Variants in NEK11 observed in about 807,000 individuals in gnomAD.
NEK11 encodes the protein NIMA related kinase 11, also known as serine/threonine-protein kinase Nek11.
Under a neutral mutation model 80.7 loss-of-function variants are expected in NEK11, and 72 were observed. The ratio of observed to expected loss-of-function variants is 0.89; its 90% CI spans 0.74 to 1.08. The LOEUF (loss-of-function observed/expected upper bound fraction) is 1.08. Ranked by LOEUF, NEK11 falls within the 50% of genes least tolerant of loss-of-function variation. The probability of loss-of-function intolerance (pLI) is 0.00; values close to 1 mark genes in which losing one functional copy is unlikely to be tolerated. For synonymous variants in NEK11, 251 were observed against 260.7 expected (o/e 0.96, Z 0.36); for missense variants, 764 against 763.6 (o/e 1.00, Z -0.01).
In NEK11 at chr3:131,243,500, A is replaced by T; in HGVS notation, c.1621+4A>T. The stretch of plus-strand genomic sequence containing the variant: ...GTCCTGGGTTGCACTTCTCTAGGTG[A>T]GTAAGTTCCTTTAGGCTTCAAAATA... On this transcript the variant is annotated splice_donor_region_variant and intron_variant, in intron 16 of 17. Transcript: ENST00000383366. The T allele has an allele frequency of 1.9e-6, 3 of 1,611,102 alleles. No homozygotes were observed. The highest frequency in any genetic ancestry group is 2.5e-6 in the Non-Finnish European group (3 of 1,177,728).
intron 14 of NEK11, among the ~76,000 whole-genome samples, chr3:131,173,621 A>G (rs2092825497): frequency 6.6e-6 from 1 of 151,406 alleles, no homozygotes; most frequent in South Asian, 2.1e-4. Context: ...GGTAGAAGCA[A>G]TTGACTTGTA....
chr3:131,337,338 C>T (rs1276850501), intron 17 of NEK11, among the ~76,000 whole-genome samples: 1 of 151,968 alleles, frequency 6.6e-6, no homozygotes, highest in East Asian at 1.9e-4. Flanking sequence ...AATTGGAAAT[C>T]ATCATTCTCA....
chr3:131,290,851 C>A (rs1290464208), intron 17 of NEK11, among the ~76,000 whole-genome samples: 1 of 152,122 alleles, frequency 6.6e-6, no homozygotes, highest in Non-Finnish European at 1.5e-5. Context: ...CCATATATCT[C>A]CTGCCCCCAC....
intron 13 of NEK11, among the ~76,000 whole-genome samples, chr3:131,170,013 A>G (rs1303440007): frequency 6.6e-6 from 1 of 152,192 alleles, no homozygotes; most frequent in Non-Finnish European, 1.5e-5. Context: ...TCTCACAAAT[A>G]CCGCACTGCA....
At chr3:131,160,317 T>C (rs145230133) in intron 10 of NEK11, among the ~76,000 whole-genome samples, 2,019 of 152,298 alleles carry the variant, frequency 0.013, 40 homozygotes, top group African/African-American at 0.045. Flanking sequence ...GAATTTCATA[T>C]CTTGCCAAAA....
chr3:131,078,404 C>T (rs922366265), intron 3 of NEK11, among the ~76,000 whole-genome samples: 6 of 152,122 alleles, frequency 3.9e-5, no homozygotes, highest in African/African-American at 1.4e-4. Context: ...TACTTAGGCT[C>T]TCAGCTTCTA....
intron 5 of NEK11, among the ~76,000 whole-genome samples, chr3:131,110,986 A>G (rs2080039908): frequency 6.6e-6 from 1 of 152,164 alleles, no homozygotes; most frequent in Non-Finnish European, 1.5e-5. Context: ...TTAATAAGCT[A>G]CCCAAAGCTA....
chr3:131,096,397 T>G (rs2077437026), intron 4 of NEK11, among the ~76,000 whole-genome samples: 1 of 152,160 alleles, frequency 6.6e-6, no homozygotes, highest in African/African-American at 2.4e-5. Flanking sequence ...GTGGTGTATA[T>G]GTATCATATT....
intron 3 of NEK11, among the ~76,000 whole-genome samples, chr3:131,068,112 A>G (rs2072398539): frequency 6.6e-6 from 1 of 152,200 alleles, no homozygotes; most frequent in Admixed American, 6.6e-5. Context: ...AGGGGGACAC[A>G]GTCCCTGTCT....
At chr3:131,139,896 C>T (rs898314571) in intron 7 of NEK11, among the ~76,000 whole-genome samples, 5 of 151,998 alleles carry the variant, frequency 3.3e-5, no homozygotes, top group African/African-American at 1.2e-4. Flanking sequence ...GCATCAGGGG[C>T]GAGGAAAGAG....
At chr3:131,112,113 G>A (rs184143355) in intron 5 of NEK11, among the ~76,000 whole-genome samples, 1 of 152,102 alleles carries the variant, frequency 6.6e-6, no homozygotes, top group Non-Finnish European at 1.5e-5. Context: ...CCAACAAAAG[G>A]TATGCAGAAA....
At chr3:131,235,747 A>G (rs538387778) in intron 15 of NEK11, among the ~76,000 whole-genome samples, 12 of 152,334 alleles carry the variant, frequency 7.9e-5, no homozygotes, top group African/African-American at 2.6e-4. Flanking sequence ...CACCATTTAC[A>G]AATGAGAAGA....
Position 131,243,458 on chromosome 3 carries a change from C to A in NEK11, c.1583C>A (p.Ala528Asp). 1 of 1,612,680 alleles carries A rather than the reference C, an allele frequency of 6.2e-7. No individual in the cohort carries two copies. The highest frequency in any genetic ancestry group is 8.5e-7 in the Non-Finnish European group (1 of 1,179,258). The change falls in exon 16 of 18, where the codon GCC becomes GAC. Residue 528 changes from alanine (A) to aspartate (D), a missense_variant. Transcript: ENST00000383366. ...CAGGACAGTGATATCGAAGCGTTGGCCAGGTGTTTGGAAAATGTCCTGGGT... is the reference window on the plus strand; with the variant it reads ...CAGGACAGTGATATCGAAGCGTTGGACAGGTGTTTGGAAAATGTCCTGGGT... ...NQQDSDIEAL[A>D]RCLENVLGCT...
chr3:131,066,840 C>CAA (rs56140132), intron 3 of NEK11, among the ~76,000 whole-genome samples: 19,338 of 98,970 alleles, frequency 0.2, 1,554 homozygotes, highest in Non-Finnish European at 0.21. Context: ...AGACTTGTCT[C>CAA]AAAAAAAAAA....
intron 16 of NEK11, among the ~76,000 whole-genome samples, chr3:131,268,240 G>A (rs1357983650): frequency 1.3e-5 from 2 of 152,164 alleles, no homozygotes; most frequent in East Asian, 1.9e-4. Flanking sequence ...AGAGGAGTTT[G>A]TTATTACCCA....
chr3:131,183,427 T>G (rs2093455469), intron 14 of NEK11, among the ~76,000 whole-genome samples: 1 of 152,150 alleles, frequency 6.6e-6, no homozygotes, highest in East Asian at 1.9e-4. Context: ...TTATCCTGAT[T>G]CTCTCCCTCC....
At chr3:131,300,282 C>A (rs2096646579) in intron 17 of NEK11, among the ~76,000 whole-genome samples, 1 of 152,110 alleles carries the variant, frequency 6.6e-6, no homozygotes, top group African/African-American at 2.4e-5. Flanking sequence ...GAATATTAGA[C>A]CTTGTCAGAT....
intron 16 of NEK11, among the ~76,000 whole-genome samples, chr3:131,270,947 GTTGT>G (rs2096172760): frequency 6.6e-6 from 1 of 151,878 alleles, no homozygotes; most frequent in Non-Finnish European, 1.5e-5. Flanking sequence ...TATGGTTGGT[GTTGT>G]TTTAGTAACT....
At chr3:131,208,643 G>A (rs1383386017) in intron 14 of NEK11, among the ~76,000 whole-genome samples, 2 of 152,162 alleles carry the variant, frequency 1.3e-5, no homozygotes, top group African/African-American at 4.8e-5. Context: ...ATTTCGTGGA[G>A]CAGTGGTTTG....
Sources: allele counts gnomAD v4.1 joint callset (sites outside exome capture counted in the v4.1 genomes callset), GRCh38; gene constraint gnomAD v4.1.1; transcripts MANE v1.5; gene names NCBI Gene and HGNC (gene_info 2026-07-23, HGNC 2026-07-21).